The following DGKD variants were observed in gnomAD, a reference collection of about 807,000 sequenced individuals.
The protein encoded by DGKD is DAG kinase delta.
In DGKD, 68 loss-of-function variants were observed where a neutral mutation model predicts 154.4. The ratio of observed to expected loss-of-function variants is 0.44; its 90% CI spans 0.36 to 0.54. The LOEUF is 0.54. Among genes scored for constraint, DGKD ranks in the 20% least tolerant of loss-of-function variants. The pLI, the probability that DGKD is intolerant of heterozygous loss-of-function variation, is 0.00. For missense variants in DGKD, 1,343 were observed against 1,593.6 expected (o/e 0.84, Z 2.68); for synonymous variants, 693 against 638.0 (o/e 1.09, Z -1.30).
At chr2:233,355,258 C>T (rs965508178) in intron 1 of DGKD, among the ~76,000 whole-genome samples, 1 of 152,208 alleles carries the variant, frequency 6.6e-6, no homozygotes, top group Non-Finnish European at 1.5e-5. Flanking sequence ...TCAGCAAAGC[C>T]GGGACCGCGC....
rs75906467 is a variant in DGKD, at chr2:233,404,563, T to C, written c.348+14080T>C. Among the ~76,000 whole-genome samples, 25 of 152,344 alleles carry C rather than the reference T, an allele frequency of 1.6e-4. No individual in the cohort carries two copies. The East Asian group carries it at 2.9e-3, about 18-fold the overall frequency. On this transcript the variant is annotated intron_variant, in intron 3 of 29. Transcript: ENST00000264057. ...CTAGTTTGGTTCTGGTTTACAGCTT[T>C]ATTTTTGAGTATTTCTGTATTTCAG... is the stretch of plus-strand genomic sequence containing the variant.
At chr2:233,391,739 G>C (rs138664752) in intron 3 of DGKD, among the ~76,000 whole-genome samples, 12 of 152,260 alleles carry the variant, frequency 7.9e-5, no homozygotes, top group Non-Finnish European at 1.2e-4. Context: ...CTAGTTTCAG[G>C]TGCTTTCAAG....
Position 233,354,879 on chromosome 2 carries a change from G to A in DGKD, c.156+205G>A, listed in dbSNP as rs1352340795. Among the ~76,000 whole-genome samples the A allele has an allele frequency of 2.1e-5, 3 of 145,186 alleles. No individual in the cohort carries two copies. The highest frequency in any genetic ancestry group is 7.4e-5 in the African/African-American group (3 of 40,528). ...GAGCGCGCGGCCCCCGACGGACGGC[G>A]GGCGGCTGTGGGGCCGGGCGGGGGG... is the stretch of plus-strand genomic sequence containing the variant. On this transcript the variant is annotated intron_variant, in intron 1 of 29. Transcript: ENST00000264057. This position sits in a 1 kb window ranked among gnomAD's most constrained non-coding sequence, Gnocchi z 4.8.
intron 3 of DGKD, among the ~76,000 whole-genome samples, chr2:233,429,457 C>G (rs1373820583): frequency 6.6e-6 from 1 of 152,162 alleles, no homozygotes; most frequent in Non-Finnish European, 1.5e-5. Flanking sequence ...TTGGCAGCTC[C>G]CAGTCTCCCA....
At chr2:233,453,372 C>T (rs1206231309) in intron 18 of DGKD, among the ~76,000 whole-genome samples, 1 of 152,210 alleles carries the variant, frequency 6.6e-6, no homozygotes, top group African/African-American at 2.4e-5. Flanking sequence ...ATCTCTTTGT[C>T]CTGTTTCTCT....
chr2:233,377,364 G>A (rs943960255), intron 1 of DGKD, among the ~76,000 whole-genome samples: 15 of 152,272 alleles, frequency 9.9e-5, no homozygotes, highest in Admixed American at 7.9e-4. Flanking sequence ...GATTACAGGC[G>A]TGAGCCACTG....
rs757224940 is a variant in DGKD at position 233,436,440 on chromosome 2, T to A, written c.818T>A (p.Met273Lys). 2 of 1,612,186 alleles carry A rather than the reference T, an allele frequency of 1.2e-6. No homozygotes were observed. The highest frequency in any genetic ancestry group is 3.3e-5 in the Admixed American group (2 of 60,008). ...QDWRCLWCKAMVHTSCKESLL... is the reference protein window; with the variant it reads ...QDWRCLWCKAKVHTSCKESLL... ...TGGCGCTGCCTCTGGTGCAAGGCCA[T>A]GGTGAGTGTGGGCCCTGCGCCCGGG... The change falls in exon 7 of 30, where the codon ATG (methionine) becomes AAG (lysine). Residue 273 changes from methionine (M) to lysine (K), a missense_variant and splice_region_variant. Transcript: ENST00000264057.
rs922006079 is a variant in DGKD at position 233,388,435 on chromosome 2, G to A, written c.267+68G>A. 4.8e-6 allele frequency: 7 copies of A among 1,462,020 alleles called. No homozygotes were observed. In the East Asian group the frequency reaches 6.9e-5, roughly 14 times the overall value. 90.6% of individuals were successfully genotyped at this position (1,462,020 alleles called of 1,614,324 possible). On this transcript the variant is annotated intron_variant, in intron 2 of 29. Transcript: ENST00000264057. ...AGCCGTCCCAGGGGAGGAACTGGGG[G>A]TGCTGAGTCCTTGTGTGGGAAAAGC...
rs769555743 is a variant in DGKD, at chr2:233,445,753, T to C, written c.1325T>C (p.Met442Thr). The change falls in exon 11 of 30, where the codon ATG (methionine) becomes ACG (threonine). Residue 442 changes from methionine to threonine, a missense_variant. Physicochemically the swap from Met to Thr is moderately conservative, Grantham distance 81. Around this residue, in one of 6 missense-constraint regions of DGKD, gnomAD observed 409 missense variants for 446.0 expected, o/e 0.92. Coordinates refer to ENST00000264057, the MANE Select transcript of DGKD (RefSeq NM_152879.3). This position sits in a 1 kb window ranked among gnomAD's most constrained non-coding sequence, Gnocchi z 5.5. ...LEKLERASTK[M>T]LDRWSVMAYE... ...AAGTTGGAGAGAGCCAGCACCAAGA[T>C]GCTGGACAGGTGAGTGGGGATGTGC... 3.1e-6 allele frequency: 5 copies of C among 1,612,538 alleles called. No individual in the cohort carries two copies. In the South Asian group the frequency reaches 4.4e-5, roughly 14 times the overall value.
At chr2:233,375,715 T>G (rs1393122976) in intron 1 of DGKD, among the ~76,000 whole-genome samples, 1 of 152,014 alleles carries the variant, frequency 6.6e-6, no homozygotes, top group African/African-American at 2.4e-5. Flanking sequence ...TCTGCACCCC[T>G]CTTATGACAC....
chr2:233,402,398 C>T (rs2061582398), intron 3 of DGKD, among the ~76,000 whole-genome samples: 2 of 152,218 alleles, frequency 1.3e-5, no homozygotes, highest in South Asian at 2.1e-4. Flanking sequence ...GTAATGTGTA[C>T]TTGGCCACAC....
At chr2:233,466,119 G>T (rs2063816631) in intron 27 of DGKD, among the ~76,000 whole-genome samples, 1 of 151,680 alleles carries the variant, frequency 6.6e-6, no homozygotes, top group South Asian at 2.1e-4. Context: ...TCATTTTACT[G>T]TGCTCCAAGC....
In DGKD at chr2:233,452,058, C is replaced by T; in HGVS notation, c.2262C>T (p.Thr754=). The T allele has an allele frequency of 6.2e-7, 1 of 1,613,578 alleles. No individual in the cohort carries two copies. The highest frequency in any genetic ancestry group is 8.5e-7 in the Non-Finnish European group (1 of 1,179,568). The change falls in exon 18 of 30, where the codon ACC becomes ACT. Residue 754 remains threonine (T), a splice_region_variant and synonymous_variant. Coordinates refer to ENST00000264057, the MANE Select transcript of DGKD (RefSeq NM_152879.3). The surrounding 1 kb of genome is among the most constrained non-coding windows in gnomAD (Gnocchi z 4.0). ...ATCCCTTCAACTCTGAACCAGAAAC[C>T]CTGTGAGTATGAGGGATAAACCGAG... ...NADPFNSEPE[T]LEYYTEKCVM...
Position 233,413,502 on chromosome 2 carries a change from T to C in DGKD, c.349-20878T>C, listed in dbSNP as rs534265565. On this transcript the variant is annotated intron_variant, in intron 3 of 29. Transcript: ENST00000264057. ...GATTTATGTCTGTTGGATGGAGAAGTAGAAACTTTATGAGAGAAGGGATAT... is the reference window on the plus strand; with the variant it reads ...GATTTATGTCTGTTGGATGGAGAAGCAGAAACTTTATGAGAGAAGGGATAT... Among the ~76,000 whole-genome samples the C allele has an allele frequency of 5.3e-5, 8 of 152,282 alleles. No individual in the cohort carries two copies. The East Asian group carries it at 1.5e-3, about 29-fold the overall frequency.
chr2:233,400,020 G>A (rs546304958), intron 3 of DGKD, among the ~76,000 whole-genome samples: 159 of 152,280 alleles, frequency 1.0e-3, no homozygotes, highest in African/African-American at 3.3e-3. Context: ...AGAAAGCAGC[G>A]CTGTACACAG....
At chr2:233,409,390 A>G (rs929801594) in intron 3 of DGKD, among the ~76,000 whole-genome samples, 3 of 152,062 alleles carry the variant, frequency 2.0e-5, no homozygotes, top group African/African-American at 7.2e-5. Context: ...GGGAAGATAC[A>G]TGGATTTGAT....
intron 1 of DGKD, among the ~76,000 whole-genome samples, chr2:233,364,319 T>G (rs1369971728): frequency 6.6e-6 from 1 of 152,210 alleles, no homozygotes; most frequent in Non-Finnish European, 1.5e-5. Context: ...ATTAAGTGTT[T>G]TTTGTTTGTT....
intron 1 of DGKD, among the ~76,000 whole-genome samples, chr2:233,358,104 A>G (rs1701611540): frequency 6.6e-6 from 1 of 152,222 alleles, no homozygotes; most frequent in South Asian, 2.1e-4. Context: ...CAAAGACATT[A>G]CTTCATTTGT....
At position 233,450,012 on chromosome 2, in the gene DGKD, AG is replaced by A; in HGVS notation, c.1920del (p.Glu640AspfsTer49). The A allele has an allele frequency of 6.2e-7, 1 of 1,611,918 alleles. No individual in the cohort carries two copies. On this transcript the variant is annotated frameshift_variant, in exon 16 of 30. Coordinates refer to ENST00000264057, the MANE Select transcript of DGKD (RefSeq NM_152879.3). LOFTEE classifies it high-confidence loss of function. ...AVDEQNAQTQ[E>X]QEGFVLGLSE... is the part of the protein sequence containing the mutation. ...GATGAGCAGAATGCCCAGACCCAGG[AG>A]CAGGAGGGCTTCGTCCTGGGCCTCT...
Sources: gnomAD v4.1 joint callset for allele counts (sites outside exome capture counted in the v4.1 genomes callset) on GRCh38, gnomAD v4.1.1 for gene constraint, gnomAD v4.1.1 regional missense constraint, Gnocchi (gnomAD v3.1) non-coding constraint, MANE v1.5 for transcripts, NCBI Gene and HGNC (gene_info 2026-07-23, HGNC 2026-07-21) for gene names.